Variants in TMEM178B observed in about 807,000 individuals in gnomAD.
TMEM178B encodes transmembrane protein 178B.
A neutral mutation model predicts 31.0 loss-of-function variants in TMEM178B; 5 were observed. The ratio of observed to expected loss-of-function variants is 0.16; its 90% confidence interval spans 0.08 to 0.34. The LOEUF (loss-of-function observed/expected upper bound fraction) is 0.34. TMEM178B is among the 10% of genes least tolerant of loss of function. The probability of loss-of-function intolerance (pLI) is 1.00; values close to 1 mark genes in which losing one functional copy is unlikely to be tolerated. For missense variants in TMEM178B, 275 were observed against 400.3 expected (o/e 0.69, Z 2.67); for synonymous variants, 164 against 164.0 (o/e 1.00, Z 0.00).
chr7:141,496,466 C>G, the TMEM178B span, among the ~76,000 whole-genome samples: 1 of 151,732 alleles, frequency 6.6e-6, no homozygotes, highest in Admixed American at 6.5e-5. Flanking sequence ...GTCAGGAGAT[C>G]GAGACCATCC....
intron 2 of TMEM178B, among the ~76,000 whole-genome samples, chr7:141,256,441 G>A (rs1797929620): frequency 6.6e-6 from 1 of 152,184 alleles, no homozygotes; most frequent in Non-Finnish European, 1.5e-5. Context: ...TAAGGCAGGA[G>A]GTACTTGGAA....
intron 2 of TMEM178B, among the ~76,000 whole-genome samples, chr7:141,358,528 C>T (rs144395134): frequency 2.6e-4 from 39 of 152,232 alleles, no homozygotes; most frequent in Non-Finnish European, 5.1e-4. Flanking sequence ...TCTTTGTTCC[C>T]TAAACCAACT....
intron 2 of TMEM178B, among the ~76,000 whole-genome samples, chr7:141,291,017 A>G (rs1422550901): frequency 6.6e-6 from 1 of 152,124 alleles, no homozygotes; most frequent in Non-Finnish European, 1.5e-5. Flanking sequence ...CAGTTTCCCT[A>G]ATTGCTTTCT....
In TMEM178B at chr7:141,074,271, G is replaced by A; in HGVS notation, c.-40G>A. The A allele has an allele frequency of 3.4e-6, 5 of 1,464,124 alleles. No individual in the cohort carries two copies. The highest frequency in any genetic ancestry group is 4.5e-6 in the Non-Finnish European group (5 of 1,109,462). 90.7% of individuals were successfully genotyped at this position (1,464,124 alleles called of 1,614,324 possible). On this transcript the variant is annotated 5_prime_UTR_variant, in exon 1 of 4. Transcript: ENST00000565468. This position sits in a 1 kb window ranked among gnomAD's most constrained non-coding sequence, Gnocchi z 5.1. The stretch of plus-strand genomic sequence containing the variant: ...GGGTGCGGCGAGGGAAGGCGAGGCT[G>A]CGGCGGATCATGCCCATGGTGTAGC...
chr7:141,506,572 G>T, the TMEM178B span, among the ~76,000 whole-genome samples: 120 of 152,242 alleles, frequency 7.9e-4, no homozygotes, highest in African/African-American at 2.8e-3. Flanking sequence ...CCTCCCTCTC[G>T]ATCCCTCCTA....
rs556603702 is a variant in TMEM178B, at chr7:141,231,513, C to T, written c.496+18809C>T. Among the ~76,000 whole-genome samples, 5 of 152,252 alleles carry T rather than the reference C, an allele frequency of 3.3e-5. No homozygotes were observed. In the East Asian group the frequency reaches 5.8e-4, roughly 18 times the overall value. ...AAACACTTGCTTAGTAAAATAATTCCGCACCCAGTGCCAGCCATTTCCTGT... is the reference window on the plus strand; with the variant it reads ...AAACACTTGCTTAGTAAAATAATTCTGCACCCAGTGCCAGCCATTTCCTGT... On this transcript the variant is annotated intron_variant, in intron 2 of 3. Transcript: ENST00000565468.
At chr7:141,161,568 A>C (rs973573167) in intron 1 of TMEM178B, among the ~76,000 whole-genome samples, 6 of 152,190 alleles carry the variant, frequency 3.9e-5, no homozygotes, top group Admixed American at 6.5e-5. Flanking sequence ...ATTTGTGACC[A>C]TGCGCAGGAA....
intron 2 of TMEM178B, among the ~76,000 whole-genome samples, chr7:141,282,652 G>T (rs908200693): frequency 6.6e-6 from 1 of 152,132 alleles, no homozygotes; most frequent in Non-Finnish European, 1.5e-5. Context: ...AAGCCTTATC[G>T]CATGAGAGGT....
At chr7:141,214,746 A>G (rs1009197951) in intron 2 of TMEM178B, among the ~76,000 whole-genome samples, 2 of 152,012 alleles carry the variant, frequency 1.3e-5, no homozygotes, top group African/African-American at 4.8e-5. Context: ...CCAGGTTCTT[A>G]TTCCCAAACT....
the TMEM178B span, among the ~76,000 whole-genome samples, chr7:141,498,929 A>C: frequency 6.6e-6 from 1 of 152,250 alleles, no homozygotes; most frequent in Non-Finnish European, 1.5e-5. Flanking sequence ...ATGGGATGCC[A>C]GTCGTGGAAA....
chr7:141,280,050 C>T (rs1798330766), intron 2 of TMEM178B, among the ~76,000 whole-genome samples: 1 of 152,218 alleles, frequency 6.6e-6, no homozygotes, highest in South Asian at 2.1e-4. Context: ...CATGGGCCTT[C>T]CTGGGCTCAT....
At position 141,074,414 on chromosome 7, in the gene TMEM178B, A is replaced by T; in HGVS notation, c.104A>T (p.Asp35Val). 1 of 1,536,076 alleles carries T rather than the reference A, an allele frequency of 6.5e-7. No homozygotes were observed. The highest frequency in any genetic ancestry group is 8.7e-7 in the Non-Finnish European group (1 of 1,146,848). The change falls in exon 1 of 4, where the codon GAC (aspartate) becomes GTC (valine). Residue 35 changes from aspartate (D) to valine (V), a missense_variant. By Grantham distance (152) the Asp-to-Val change is radical. Coordinates refer to ENST00000565468, the MANE Select transcript of TMEM178B (RefSeq NM_001195278.2). This position sits in a 1 kb window ranked among gnomAD's most constrained non-coding sequence, Gnocchi z 5.1. ...AICSDHWYET[D>V]ARKHRDRCKA... ...TGCTCGGACCACTGGTACGAGACGGACGCCAGGAAGCACAGGGACAGGTGC... is the reference window on the plus strand; with the variant it reads ...TGCTCGGACCACTGGTACGAGACGGTCGCCAGGAAGCACAGGGACAGGTGC...
At chr7:141,273,419 A>G (rs1434254906) in intron 2 of TMEM178B, among the ~76,000 whole-genome samples, 1 of 152,224 alleles carries the variant, frequency 6.6e-6, no homozygotes, top group African/African-American at 2.4e-5. Context: ...TTATTCATCA[A>G]TTAAATATTT....
intron 1 of TMEM178B, among the ~76,000 whole-genome samples, chr7:141,139,786 A>G (rs1053532660): frequency 1.3e-5 from 2 of 150,428 alleles, no homozygotes; most frequent in African/African-American, 4.9e-5. Context: ...TTTTTGAGAC[A>G]GAGTCTCTCA....
At position 141,416,959 on chromosome 7, in the gene TMEM178B, A is replaced by C. The variant is rs112985210; in HGVS notation, c.497-20649A>C. 8.4e-3 allele frequency among the ~76,000 whole-genome samples: 1,287 copies of C among 152,366 alleles called. 16 individuals carry two copies. The highest frequency in any genetic ancestry group is 0.012 in the Non-Finnish European group (816 of 68,032). ...GTGAGACGCTTCAAGCATAGAAAGC[A>C]AACCATGCAAAATGGAAAGCGTTGG... On this transcript the variant is annotated intron_variant, in intron 2 of 3. Transcript: ENST00000565468.
intron 2 of TMEM178B, among the ~76,000 whole-genome samples, chr7:141,424,250 A>G (rs1460041710): frequency 2.0e-5 from 3 of 152,184 alleles, no homozygotes; most frequent in African/African-American, 7.2e-5. Context: ...ATCACATGCA[A>G]AAAAGGCAAT....
chr7:141,238,552 G>A (rs1407854026), intron 2 of TMEM178B, among the ~76,000 whole-genome samples: 1 of 152,294 alleles, frequency 6.6e-6, no homozygotes, highest in Non-Finnish European at 1.5e-5. Context: ...GACCAGACAG[G>A]GAAGTAATGC....
chr7:141,489,996 G>T, the TMEM178B span, among the ~76,000 whole-genome samples: 2 of 152,198 alleles, frequency 1.3e-5, no homozygotes, highest in Admixed American at 1.3e-4. Context: ...TGTTAGAGTG[G>T]ACACATGGAT....
At chr7:141,502,613 A>G in the TMEM178B span, among the ~76,000 whole-genome samples, 1 of 152,270 alleles carries the variant, frequency 6.6e-6, no homozygotes, top group African/African-American at 2.4e-5. Context: ...TCTACTAAAC[A>G]TAAAAAATTA....
Sources: allele counts gnomAD v4.1 joint callset (sites outside exome capture counted in the v4.1 genomes callset), GRCh38; gene constraint gnomAD v4.1.1; non-coding constraint Gnocchi (gnomAD v3.1); transcripts MANE v1.5; gene names NCBI Gene and HGNC (gene_info 2026-07-23, HGNC 2026-07-21).